SCN10A: variants seen among roughly 807,000 people sequenced by gnomAD.
SCN10A encodes sodium voltage-gated channel alpha subunit 10, also known as sodium channel protein type 10 subunit alpha.
SCN10A carries 162 observed loss-of-function variants against 170.7 expected under a neutral mutation model. The observed-to-expected ratio is 0.95, with a 90% confidence interval of 0.84 to 1.08. The LOEUF (loss-of-function observed/expected upper bound fraction) is 1.08. Among genes scored for constraint, SCN10A ranks in the 50% least tolerant of loss-of-function variants. The pLI, the probability that SCN10A is intolerant of heterozygous loss-of-function variation, is 0.00. For missense variants in SCN10A, 2,527 were observed against 2,436.9 expected, an observed-to-expected ratio of 1.04 and a Z score of -0.78; for synonymous variants, 985 against 904.6, an observed-to-expected ratio of 1.09 and a Z score of -1.59.
At chr3:38,760,597 C>T (rs2063857886) in intron 8 of SCN10A, 84 bp downstream of exon 8, 1 of 1,052,622 alleles carries the variant, frequency 9.5e-7, no homozygotes, top group African/African-American at 1.6e-5. Flanking sequence ...GACCTGCAAC[C>T]CCATCTGTGC....
intron 24 of SCN10A, 111 bp downstream of exon 24, chr3:38,710,733 G>T (rs1575936063): frequency 9.8e-7 from 1 of 1,016,182 alleles, no homozygotes; most frequent in East Asian, 2.6e-5. Context: ...GAGGTTGCTG[G>T]GTGATCGCCT....
rs767110682 is a variant in SCN10A, at chr3:38,697,599, G to C, written c.5621C>G (p.Ser1874Cys). The C allele has an allele frequency of 3.1e-6, 5 of 1,614,210 alleles. No homozygotes were observed. Among genetic ancestry groups the C allele is most frequent in the Non-Finnish European group, 3.4e-6 (4 of 1,180,030 alleles). ...AGCTCTGGGCACACATGGGGTGTTA[G>C]AGAGTGCCATGGAGCGGTGCAGCAC... The part of the protein sequence containing the change: ...SYVLHRSMAL[S>C]NTPCVPRAEE... Residue 1874 changes from serine (S) to cysteine (C), a missense_variant, in exon 28 of 28, where the codon TCT becomes TGT. By Grantham distance (112) the Ser-to-Cys change is moderately radical. Coordinates refer to ENST00000449082, the MANE Select transcript of SCN10A (RefSeq NM_006514.4).
chr3:38,753,791 C>T (rs540408526), intron 11 of SCN10A, among the ~76,000 whole-genome samples: 13 of 152,268 alleles, frequency 8.5e-5, no homozygotes, highest in African/African-American at 2.9e-4. Flanking sequence ...TCCTTGGCCA[C>T]GAGTTATTTT....
chr3:38,775,227 C>G (rs997861405), intron 4 of SCN10A, among the ~76,000 whole-genome samples: 2 of 152,140 alleles, frequency 1.3e-5, no homozygotes, highest in African/African-American at 4.8e-5. Context: ...GAAATGTACC[C>G]ATTAAATAAT....
intron 5 of SCN10A, among the ~76,000 whole-genome samples, chr3:38,770,382 G>T (rs986292257): frequency 6.6e-6 from 1 of 152,120 alleles, no homozygotes; most frequent in South Asian, 2.1e-4. Context: ...TGGGGGCAGG[G>T]GTAGGTGAGT....
chr3:38,785,880 C>T (rs796478901), intron 4 of SCN10A, among the ~76,000 whole-genome samples: 19 of 152,276 alleles, frequency 1.2e-4, no homozygotes, highest in Admixed American at 9.8e-4. Context: ...TGATAAAAAG[C>T]TCATCATCAC....
rs755764082 is a variant in SCN10A at position 38,728,524 on chromosome 3, G to A, written c.2640+18C>T. ...CTTTCCCCAGGAGACAGTGCCCCCA[G>A]CAGGGTTCACCACTCACCACCAGGT... is the stretch of plus-strand genomic sequence containing the variant. On this transcript the variant is annotated intron_variant, in intron 16 of 27. Coordinates refer to ENST00000449082, the MANE Select transcript of SCN10A (RefSeq NM_006514.4). 13 of 1,551,088 alleles carry A rather than the reference G, an allele frequency of 8.4e-6. No homozygotes were observed. Among genetic ancestry groups the A allele is most frequent in the Non-Finnish European group, 9.6e-6 (11 of 1,145,954 alleles).
chr3:38,789,182 C>G (rs2064248235), intron 3 of SCN10A, 146 bp from the exon 4 acceptor site: 2 of 634,430 alleles, frequency 3.2e-6, no homozygotes, highest in East Asian at 5.5e-5. Context: ...CTAACATTTA[C>G]TGAGTGCCTA....
intron 24 of SCN10A, 41 bp from the exon 25 acceptor site, chr3:38,709,656 C>G: frequency 6.5e-7 from 1 of 1,531,682 alleles, no homozygotes; most frequent in Non-Finnish European, 8.8e-7. Flanking sequence ...GGGTGGGTGT[C>G]TTAGTTCAGG....
rs769640361 is a variant in SCN10A, at chr3:38,757,140, T to C, written c.970A>G (p.Ile324Val). Residue 324 changes from isoleucine to valine, a missense_variant, in exon 9 of 28, where the codon ATC (isoleucine) becomes GTC (valine). Physicochemically the swap from Ile to Val is conservative, Grantham distance 29. Transcript: ENST00000449082. ...GGGTTGTCAGAAGTTTTAAGGCAGATATAACCATCAGGGCAGTGGCTGCAG... is the reference window on the plus strand; with the variant it reads ...GGGTTGTCAGAAGTTTTAAGGCAGACATAACCATCAGGGCAGTGGCTGCAG... The part of the protein sequence containing the change: ...SDSGHCPDGY[I>V]CLKTSDNPDF... The C allele has an allele frequency of 6.2e-7, 1 of 1,609,422 alleles. No individual in the cohort carries two copies. The highest frequency in any genetic ancestry group is 2.2e-5 in the East Asian group (1 of 44,876).
At chr3:38,768,368 G>T (rs1409915562) in intron 5 of SCN10A, among the ~76,000 whole-genome samples, 1 of 151,786 alleles carries the variant, frequency 6.6e-6, no homozygotes, top group Non-Finnish European at 1.5e-5. Context: ...GTTCTATTTT[G>T]GTGTATTTTA....
chr3:38,718,078 A>G (rs2063350985), intron 21 of SCN10A, among the ~76,000 whole-genome samples: 1 of 152,224 alleles, frequency 6.6e-6, no homozygotes, highest in African/African-American at 2.4e-5. Context: ...AGGAGGCAGC[A>G]GTATAAGCTC....
At chr3:38,719,737 T>G (rs993923476) in intron 20 of SCN10A, among the ~76,000 whole-genome samples, 1 of 152,160 alleles carries the variant, frequency 6.6e-6, no homozygotes, top group African/African-American at 2.4e-5. Flanking sequence ...GCCAGTCCTG[T>G]GTGAAGCCAA....
At position 38,697,626 on chromosome 3, in the gene SCN10A, T is replaced by C. The variant is rs377518708; in HGVS notation, c.5594A>G (p.Tyr1865Cys). Reference protein sequence around the residue: ...ATVIQKAYRSYVLHRSMALSN... With the variant: ...ATVIQKAYRSCVLHRSMALSN... The stretch of plus-strand genomic sequence containing the variant: ...GAGTGCCATGGAGCGGTGCAGCACA[T>C]AGCTCCGATAGGCCTTTTGAATGAC... Residue 1865 changes from tyrosine to cysteine, a missense_variant, in exon 28 of 28, where the codon TAT (tyrosine) becomes TGT (cysteine). By Grantham distance (194) the Tyr-to-Cys change is radical (BLOSUM62 -2). Transcript: ENST00000449082. The C allele has an allele frequency of 3.7e-6, 6 of 1,614,168 alleles. No homozygotes were observed. Among genetic ancestry groups the C allele is most frequent in the Non-Finnish European group, 4.2e-6 (5 of 1,180,000 alleles).
chr3:38,746,999 CCTATTACGACT>C (rs1575994185), intron 13 of SCN10A, among the ~76,000 whole-genome samples: 1 of 152,146 alleles, frequency 6.6e-6, no homozygotes, highest in East Asian at 1.9e-4. Flanking sequence ...CTTTATAAAT[CCTATTACGACT>C]CTGGCAGCAT....
At chr3:38,731,326 G>T (rs1265218200) in intron 15 of SCN10A, among the ~76,000 whole-genome samples, 1 of 152,200 alleles carries the variant, frequency 6.6e-6, no homozygotes, top group African/African-American at 2.4e-5. Context: ...CTTACTAAAA[G>T]AAATTCTAAA....
intron 23 of SCN10A, 49 bp from the exon 24 acceptor site, chr3:38,710,946 C>A: frequency 6.5e-7 from 1 of 1,529,130 alleles, no homozygotes; most frequent in Non-Finnish European, 9.0e-7. Flanking sequence ...TCCATCTATA[C>A]TGGACCCTTC....
chr3:38,805,756 C>A (rs1387437102), intron 1 of SCN10A, among the ~76,000 whole-genome samples: 1 of 152,150 alleles, frequency 6.6e-6, no homozygotes, highest in Non-Finnish European at 1.5e-5. Context: ...TCTCAGCAAT[C>A]TGTGACACTG....
chr3:38,697,849 G>C lies in SCN10A; in HGVS notation c.5371C>G (p.Pro1791Ala), dbSNP rs371803816. 6.2e-7 allele frequency: 1 copy of C among 1,614,138 alleles called. No homozygotes were observed. The highest frequency in any genetic ancestry group is 8.5e-7 in the Non-Finnish European group (1 of 1,179,998). Residue 1791 changes from proline (P) to alanine (A), a missense_variant, in exon 28 of 28, where the codon CCT (proline) becomes GCT (alanine). Transcript: ENST00000449082. ...TGGATCTTATCTCCAGGGACCAAAGGCAGGTCCATCTGGATCAGTATATTT... is the reference window on the plus strand; with the variant it reads ...TGGATCTTATCTCCAGGGACCAAAGCCAGGTCCATCTGGATCAGTATATTT... ...NRNILIQMDL[P>A]LVPGDKIHCL...
Sources: allele counts gnomAD v4.1 joint callset (sites outside exome capture counted in the v4.1 genomes callset), GRCh38; gene constraint gnomAD v4.1.1; transcripts MANE v1.5; gene names NCBI Gene and HGNC (gene_info 2026-07-23, HGNC 2026-07-21).